Variants in RIMS1 observed in about 807,000 individuals in gnomAD.
RIMS1 encodes the protein regulating synaptic membrane exocytosis 1.
RIMS1 carries 83 observed loss-of-function variants against 214.1 expected under a neutral mutation model. That is an observed-to-expected ratio of 0.39 (90% CI 0.32 to 0.47). The LOEUF (loss-of-function observed/expected upper bound fraction) is 0.47. RIMS1 is among the 20% of genes least tolerant of loss of function. The probability of loss-of-function intolerance (pLI) is 0.99; values close to 1 mark genes in which losing one functional copy is unlikely to be tolerated. For synonymous variants in RIMS1, 793 were observed against 786.8 expected, an observed-to-expected ratio of 1.01 and a Z score of -0.13; for missense variants, 2,050 against 2,161.8, an observed-to-expected ratio of 0.95 and a Z score of 1.03.
chr6:72,085,438 A>G (rs1487086060), intron 2 of RIMS1, among the ~76,000 whole-genome samples: 1 of 152,214 alleles, frequency 6.6e-6, no homozygotes, highest in Non-Finnish European at 1.5e-5. Context: ...TTAAACAGTG[A>G]TGGATATCAG....
At chr6:71,983,378 T>C (rs1798982559) in intron 2 of RIMS1, among the ~76,000 whole-genome samples, 1 of 152,128 alleles carries the variant, frequency 6.6e-6, no homozygotes, top group African/African-American at 2.4e-5. Context: ...CTCATTTAAA[T>C]ATTAAGTTTA....
intron 4 of RIMS1, among the ~76,000 whole-genome samples, chr6:72,131,384 C>T (rs374802669): frequency 1.2e-4 from 18 of 152,166 alleles, no homozygotes; most frequent in East Asian, 5.8e-4. Context: ...CCCTAAGTGT[C>T]GGCAGGTTTG....
chr6:72,355,763 T>C (rs1443972012), intron 29 of RIMS1, among the ~76,000 whole-genome samples: 1 of 152,168 alleles, frequency 6.6e-6, no homozygotes, highest in Non-Finnish European at 1.5e-5. Context: ...GAGCTCCCTA[T>C]GAAGTCTTCT....
intron 26 of RIMS1, among the ~76,000 whole-genome samples, chr6:72,299,375 A>C (rs1468200589): frequency 6.6e-6 from 1 of 151,982 alleles, no homozygotes; most frequent in Admixed American, 6.6e-5. Flanking sequence ...AAAGGCAATT[A>C]AAGTAAGTAA....
intron 6 of RIMS1, among the ~76,000 whole-genome samples, chr6:72,214,632 C>T (rs1241772919): frequency 1.3e-5 from 2 of 151,150 alleles, no homozygotes; most frequent in African/African-American, 4.8e-5. Flanking sequence ...TTTTAAATCT[C>T]AAAACTCAAG....
chr6:72,287,843 C>T (rs1194077163), intron 24 of RIMS1, among the ~76,000 whole-genome samples: 5 of 152,312 alleles, frequency 3.3e-5, no homozygotes, highest in African/African-American at 9.6e-5. Context: ...CCACCCGCCT[C>T]AGCCTCCCAT....
intron 1 of RIMS1, among the ~76,000 whole-genome samples, chr6:71,899,784 G>T (rs1773037058): frequency 6.6e-6 from 1 of 152,112 alleles, no homozygotes; most frequent in South Asian, 2.1e-4. Context: ...ATGGTGGACA[G>T]TTGGCCCAAG....
At chr6:72,058,779 T>C (rs1239027827) in intron 2 of RIMS1, among the ~76,000 whole-genome samples, 1 of 152,164 alleles carries the variant, frequency 6.6e-6, no homozygotes, top group Non-Finnish European at 1.5e-5. Flanking sequence ...AAGCTTAACA[T>C]GAACATGAGA....
At position 72,231,854 on chromosome 6, in the gene RIMS1, T is replaced by C. The variant is rs1014596235; in HGVS notation, c.1679-1919T>C. On this transcript the variant is annotated intron_variant, in intron 6 of 33. Coordinates refer to ENST00000521978, the MANE Select transcript of RIMS1 (RefSeq NM_014989.7). ...TATCTCATATGGTGGTTCAACTCCA[T>C]GTTTTACTCATATTTGATTTATAAT... Among the ~76,000 whole-genome samples the C allele has an allele frequency of 3.3e-5, 5 of 151,664 alleles. No individual in the cohort carries two copies. The South Asian group carries it at 1.0e-3, about 31-fold the overall frequency.
At chr6:71,938,687 C>A (rs77136240) in intron 1 of RIMS1, among the ~76,000 whole-genome samples, 1 of 152,256 alleles carries the variant, frequency 6.6e-6, no homozygotes, top group African/African-American at 2.4e-5. Flanking sequence ...GGCCCACCCC[C>A]TGAAACATTC....
At chr6:72,033,881 G>C (rs931799862) in intron 2 of RIMS1, among the ~76,000 whole-genome samples, 2 of 152,100 alleles carry the variant, frequency 1.3e-5, no homozygotes. Context: ...CTCTGAGAGG[G>C]TTGGTTTATA....
At chr6:71,970,462 C>T (rs925837902) in intron 2 of RIMS1, among the ~76,000 whole-genome samples, 2 of 152,092 alleles carry the variant, frequency 1.3e-5, no homozygotes, top group African/African-American at 2.4e-5. Flanking sequence ...TTCCACGTAT[C>T]GAGGTTTCAT....
chr6:72,316,807 G>A, intron 28 of RIMS1: 6 of 758,156 alleles, frequency 7.9e-6, no homozygotes, highest in South Asian at 4.0e-5. Context: ...CAGTAGGTGG[G>A]TGGTGGTGCC....
intron 29 of RIMS1, among the ~76,000 whole-genome samples, chr6:72,342,661 A>G (rs957946555): frequency 5.3e-5 from 8 of 150,132 alleles, no homozygotes; most frequent in Non-Finnish European, 1.2e-4. Context: ...GTGTGTGGGC[A>G]TGCATGTTTC....
intron 6 of RIMS1, among the ~76,000 whole-genome samples, chr6:72,189,209 C>T (rs1333997622): frequency 6.6e-6 from 1 of 152,156 alleles, no homozygotes; most frequent in Non-Finnish European, 1.5e-5. Context: ...ATACACAGCC[C>T]TCTGGAGAAC....
At chr6:72,316,989 T>A in intron 28 of RIMS1, 1 of 499,054 alleles carries the variant, frequency 2.0e-6, no homozygotes, top group Non-Finnish European at 3.9e-6. Context: ...GCCCAGTGGC[T>A]CCCTGCTGGG....
At chr6:72,379,327 C>T (rs989749596) in intron 29 of RIMS1, among the ~76,000 whole-genome samples, 3 of 152,240 alleles carry the variant, frequency 2.0e-5, no homozygotes, top group African/African-American at 4.8e-5. Flanking sequence ...CCCAAAGTAG[C>T]TGCTCTAGCT....
At chr6:72,345,658 A>G (rs1395703269) in intron 29 of RIMS1, among the ~76,000 whole-genome samples, 1 of 151,820 alleles carries the variant, frequency 6.6e-6, no homozygotes, top group Non-Finnish European at 1.5e-5. Flanking sequence ...TTTGTTTTAT[A>G]ATCTTGCCTT....
intron 30 of RIMS1, 61 bp from the exon 31 acceptor site, chr6:72,392,637 G>A (rs2098718669): frequency 8.6e-7 from 1 of 1,161,446 alleles, no homozygotes; most frequent in Non-Finnish European, 1.3e-6. Context: ...GGAAACTAGT[G>A]AAAAGAATTC....
Sources: allele counts gnomAD v4.1 joint callset (sites outside exome capture counted in the v4.1 genomes callset), GRCh38; gene constraint gnomAD v4.1.1; transcripts MANE v1.5; gene names NCBI Gene and HGNC (gene_info 2026-07-23, HGNC 2026-07-21).